The following PPP2R2B variants were observed in gnomAD, a reference collection of about 807,000 sequenced individuals.
The protein encoded by PPP2R2B is serine/threonine-protein phosphatase 2A 55 kDa regulatory subunit B beta isoform.
A neutral mutation model predicts 46.0 loss-of-function variants in PPP2R2B; 5 were observed. The observed-to-expected ratio is 0.11, with a 90% confidence interval of 0.06 to 0.23. The LOEUF is 0.23. PPP2R2B is among the 10% of genes least tolerant of loss of function. The pLI is 1.00. For missense variants in PPP2R2B, 367 were observed against 575.0 expected (o/e 0.64, Z 3.70); for synonymous variants, 215 against 206.7 (o/e 1.04, Z -0.34).
At chr5:146,963,606 A>G (rs1452335283) in intron 1 of PPP2R2B, among the ~76,000 whole-genome samples, 2 of 152,184 alleles carry the variant, frequency 1.3e-5, no homozygotes, top group African/African-American at 2.4e-5. Context: ...TTCTGAACAT[A>G]TACGGCACCT....
chr5:146,701,132 G>A lies in PPP2R2B; in HGVS notation c.81C>T (p.Ile27=), dbSNP rs1178963459. The A allele has an allele frequency of 6.2e-7, 1 of 1,613,308 alleles. No homozygotes were observed. Residue 27 remains isoleucine, a synonymous_variant, in exon 3 of 10, where the codon ATC becomes ATT. Coordinates refer to ENST00000394411, the MANE Select transcript of PPP2R2B (RefSeq NM_181675.4). ...CCGTGTGGTTGAATTCTACCGTAGA[G>A]ATAATGTCAGCTGCAAAGAAGAAGA... ...DHSYATEADI[I]STVEFNHTGE...
At chr5:146,810,869 C>T (rs1464160496) in intron 2 of PPP2R2B, among the ~76,000 whole-genome samples, 2 of 136,458 alleles carry the variant, frequency 1.5e-5, no homozygotes, top group Non-Finnish European at 3.1e-5. Context: ...GCTATCCGTC[C>T]CCCCTCCCCC....
At chr5:147,080,015 G>C (rs1489514465) in intron 2 of PPP2R2B, among the ~76,000 whole-genome samples, 1 of 151,920 alleles carries the variant, frequency 6.6e-6, no homozygotes, top group Non-Finnish European at 1.5e-5. Flanking sequence ...ATTAATTTTA[G>C]TGTGTTTTCT....
chr5:146,702,728 A>G (rs1779613924), intron 2 of PPP2R2B, among the ~76,000 whole-genome samples: 2 of 152,350 alleles, frequency 1.3e-5, no homozygotes, highest in Non-Finnish European at 2.9e-5. Flanking sequence ...CTGTGGGCTG[A>G]ATGTGGTTTG....
intron 5 of PPP2R2B, among the ~76,000 whole-genome samples, chr5:146,670,786 C>T (rs1488803357): frequency 1.3e-5 from 2 of 152,076 alleles, no homozygotes; most frequent in Non-Finnish European, 2.9e-5. Flanking sequence ...TGAGCCACTG[C>T]ACCCGGCCCA....
chr5:146,920,164 T>C (rs939364911), intron 1 of PPP2R2B, among the ~76,000 whole-genome samples: 1 of 152,200 alleles, frequency 6.6e-6, no homozygotes, highest in African/African-American at 2.4e-5. Flanking sequence ...TTATTTGGGT[T>C]TCTGAAAAGG....
chr5:146,900,543 TTTCCTTCCTTTC>T (rs1158520853), intron 1 of PPP2R2B, among the ~76,000 whole-genome samples: 5 of 80,544 alleles, frequency 6.2e-5, no homozygotes, highest in African/African-American at 2.3e-4. Context: ...TTCCTTTCTT[TTTCCTTCCTTTC>T]TTCCTTCCTT....
At chr5:146,900,343 A>G (rs1034956314) in intron 1 of PPP2R2B, among the ~76,000 whole-genome samples, 1 of 152,176 alleles carries the variant, frequency 6.6e-6, no homozygotes, top group South Asian at 2.1e-4. Flanking sequence ...CATAGGGAAA[A>G]GAAGATACAA....
At chr5:146,833,473 G>T (rs183250182) in intron 2 of PPP2R2B, among the ~76,000 whole-genome samples, 133 of 152,190 alleles carry the variant, frequency 8.7e-4, no homozygotes, top group African/African-American at 3.0e-3. Context: ...AATTCCCCCA[G>T]CCTATTTCAA....
At chr5:146,802,108 A>G (rs532072931) in intron 2 of PPP2R2B, among the ~76,000 whole-genome samples, 8 of 152,276 alleles carry the variant, frequency 5.3e-5, no homozygotes, top group Admixed American at 2.6e-4. Flanking sequence ...CAAACACCCA[A>G]TGGTTCTTGG....
chr5:147,009,057 C>T (rs1184417077), intron 1 of PPP2R2B, among the ~76,000 whole-genome samples: 2 of 152,082 alleles, frequency 1.3e-5, no homozygotes, highest in African/African-American at 4.8e-5. Context: ...TGCTGCATTA[C>T]TTTTAGAAAG....
intron 1 of PPP2R2B, chr5:146,918,459 C>T (rs1042140797): frequency 6.6e-6 from 1 of 152,184 alleles, no homozygotes; most frequent in African/African-American, 2.4e-5. Flanking sequence ...TAATAGTAGG[C>T]TAAGCATTTG....
chr5:147,078,284 AT>A (rs1313108210), intron 2 of PPP2R2B, among the ~76,000 whole-genome samples: 3 of 152,204 alleles, frequency 2.0e-5, no homozygotes, highest in African/African-American at 7.2e-5. Flanking sequence ...TATCTTATTA[AT>A]TTGTCTTAAG....
intron 4 of PPP2R2B, among the ~76,000 whole-genome samples, chr5:146,696,150 G>A (rs1581896825): frequency 6.6e-6 from 1 of 151,428 alleles, no homozygotes; most frequent in South Asian, 2.1e-4. Context: ...GTCGCCCAGG[G>A]TAGAGTGCGG....
intron 2 of PPP2R2B, among the ~76,000 whole-genome samples, chr5:146,772,195 G>A (rs974052318): frequency 4.6e-5 from 7 of 151,910 alleles, no homozygotes; most frequent in Non-Finnish European, 1.0e-4. Flanking sequence ...GATCATAAAA[G>A]CAAGCTGCAG....
intron 2 of PPP2R2B, among the ~76,000 whole-genome samples, chr5:146,716,868 T>G (rs893927777): frequency 1.3e-5 from 2 of 152,242 alleles, no homozygotes; most frequent in African/African-American, 4.8e-5. Flanking sequence ...GATAGATGGC[T>G]CAAATATACT....
intron 2 of PPP2R2B, among the ~76,000 whole-genome samples, chr5:146,791,026 T>C (rs1756166129): frequency 6.6e-6 from 1 of 152,128 alleles, no homozygotes; most frequent in Admixed American, 6.5e-5. Flanking sequence ...CAAAGGAAGA[T>C]GAAAAAGAAG....
intron 1 of PPP2R2B, among the ~76,000 whole-genome samples, chr5:146,993,696 C>G (rs977968394): frequency 8.5e-5 from 13 of 152,276 alleles, no homozygotes; most frequent in Non-Finnish European, 1.8e-4. Flanking sequence ...TAGTAACTAC[C>G]TTAAAGGACT....
intron 1 of PPP2R2B, among the ~76,000 whole-genome samples, chr5:146,945,836 T>G (rs1236401644): frequency 6.6e-6 from 1 of 152,198 alleles, no homozygotes; most frequent in Non-Finnish European, 1.5e-5. Context: ...GAAGAACCAT[T>G]GTTTCCAAGA....
Sources: allele counts gnomAD v4.1 joint callset (sites outside exome capture counted in the v4.1 genomes callset), GRCh38; gene constraint gnomAD v4.1.1; transcripts MANE v1.5; gene names NCBI Gene and HGNC (gene_info 2026-07-23, HGNC 2026-07-21).